Variants in DSCAM observed in about 807,000 individuals in gnomAD.
DSCAM encodes the protein cell adhesion molecule DSCAM.
A neutral mutation model predicts 217.7 loss-of-function variants in DSCAM; 47 were observed. The ratio of observed to expected loss-of-function variants is 0.22; its 90% CI spans 0.17 to 0.28. The LOEUF (loss-of-function observed/expected upper bound fraction) is 0.28. Among genes scored for constraint, DSCAM ranks in the 10% least tolerant of loss-of-function variants. The pLI, the probability that DSCAM is intolerant of heterozygous loss-of-function variation, is 1.00. For missense variants in DSCAM, 2,080 were observed against 2,618.3 expected, an observed-to-expected ratio of 0.79 and a Z score of 4.49; for synonymous variants, 1,056 against 1,015.3, an observed-to-expected ratio of 1.04 and a Z score of -0.76.
chr21:40,763,051 C>G (rs994730497), intron 1 of DSCAM, among the ~76,000 whole-genome samples: 6 of 152,168 alleles, frequency 3.9e-5, no homozygotes, highest in African/African-American at 1.4e-4. Flanking sequence ...GATGCCCTCT[C>G]TCACCACTGC....
At chr21:40,316,854 T>C (rs1310612190) in intron 8 of DSCAM, among the ~76,000 whole-genome samples, 1 of 152,190 alleles carries the variant, frequency 6.6e-6, no homozygotes, top group Non-Finnish European at 1.5e-5. Context: ...TATTTCTGTC[T>C]TGTCTCTTAA....
chr21:40,633,024 T>C (rs1444106555), intron 3 of DSCAM, among the ~76,000 whole-genome samples: 1 of 152,240 alleles, frequency 6.6e-6, no homozygotes, highest in Non-Finnish European at 1.5e-5. Context: ...AGGAACTTAA[T>C]TATCCATTTC....
At chr21:40,040,339 T>A (rs1428580508) in intron 32 of DSCAM, among the ~76,000 whole-genome samples, 1 of 152,190 alleles carries the variant, frequency 6.6e-6, no homozygotes, top group Admixed American at 6.5e-5. Context: ...AAGGTCAAAT[T>A]TTTAAGAAAC....
chr21:40,692,726 T>C, intron 3 of DSCAM, 84 bp downstream of exon 3: 1 of 1,491,926 alleles, frequency 6.7e-7, no homozygotes, highest in South Asian at 1.3e-5. Context: ...GATGAACACA[T>C]AAACGGAGAC....
intron 3 of DSCAM, among the ~76,000 whole-genome samples, chr21:40,518,800 G>A (rs1043784843): frequency 6.6e-6 from 1 of 150,874 alleles, no homozygotes; most frequent in Non-Finnish European, 1.5e-5. Flanking sequence ...TTAACAGTGG[G>A]ATATGTTCTG....
intron 11 of DSCAM, among the ~76,000 whole-genome samples, chr21:40,226,968 A>T (rs425924): frequency 0.97 from 147,892 of 152,270 alleles, 71,886 homozygotes; most frequent in Middle Eastern, 0.99. Flanking sequence ...TTCTCCTCAT[A>T]TAGTTCCCAC....
intron 3 of DSCAM, among the ~76,000 whole-genome samples, chr21:40,389,568 T>C (rs1297308054): frequency 6.6e-6 from 1 of 152,214 alleles, no homozygotes; most frequent in Non-Finnish European, 1.5e-5. Flanking sequence ...ATTTTAACCA[T>C]ATGAACCAAG....
intron 10 of DSCAM, among the ~76,000 whole-genome samples, chr21:40,281,628 A>AT (rs1229720087): frequency 6.6e-6 from 1 of 152,174 alleles, no homozygotes; most frequent in African/African-American, 2.4e-5. Context: ...CTGAGGGTTA[A>AT]TTTTTTCCTC....
chr21:40,116,111 C>G (rs1179243565), intron 20 of DSCAM, among the ~76,000 whole-genome samples: 1 of 152,092 alleles, frequency 6.6e-6, no homozygotes, highest in African/African-American at 2.4e-5. Context: ...TGAGAACATA[C>G]ACACACATAG....
chr21:40,240,453 A>G (rs923407625), intron 11 of DSCAM, among the ~76,000 whole-genome samples: 1 of 144,306 alleles, frequency 6.9e-6, no homozygotes, highest in Non-Finnish European at 1.5e-5. Flanking sequence ...TTTTCTGCAA[A>G]TACATCTTGG....
intron 21 of DSCAM, among the ~76,000 whole-genome samples, chr21:40,089,651 A>G (rs1239353851): frequency 1.3e-5 from 2 of 151,804 alleles, no homozygotes; most frequent in African/African-American, 2.4e-5. Context: ...CTACAGAATA[A>G]CCTGTCTCAA....
chr21:40,085,251 G>A (rs999959884), intron 23 of DSCAM, among the ~76,000 whole-genome samples: 1 of 152,034 alleles, frequency 6.6e-6, no homozygotes, highest in Non-Finnish European at 1.5e-5. Flanking sequence ...CTTGTTTTTT[G>A]TTTGTGTTTT....
Position 40,058,768 on chromosome 21 carries a change from A to G in DSCAM, c.4920-2928T>C, listed in dbSNP as rs55687744. 9.5e-3 allele frequency among the ~76,000 whole-genome samples: 1,443 copies of G among 152,342 alleles called. 23 individuals carry two copies. Among genetic ancestry groups the G allele is most frequent in the African/African-American group, 0.033 (1,374 of 41,574 alleles). On this transcript the variant is annotated intron_variant, in intron 28 of 32. Coordinates refer to ENST00000400454, the MANE Select transcript of DSCAM (RefSeq NM_001389.5). ...TCTGTTAACCTCAAAAATGATAACA[A>G]TTGGTCATTAGAATGGCAGCAAACC...
intron 10 of DSCAM, among the ~76,000 whole-genome samples, chr21:40,295,037 T>C (rs147611454): frequency 1.3e-3 from 203 of 152,306 alleles, no homozygotes; most frequent in African/African-American, 4.5e-3. Flanking sequence ...CATTTATTTT[T>C]CCTTTGGTCA....
chr21:40,486,901 C>T (rs2076033012), intron 3 of DSCAM, among the ~76,000 whole-genome samples: 1 of 152,072 alleles, frequency 6.6e-6, no homozygotes, highest in Admixed American at 6.5e-5. Context: ...CTGCTTGGCT[C>T]CCTAGAGTAC....
At chr21:40,714,558 CTT>C (rs2146494837) in intron 1 of DSCAM, among the ~76,000 whole-genome samples, 1 of 152,318 alleles carries the variant, frequency 6.6e-6, no homozygotes, top group South Asian at 2.1e-4. Context: ...CTTCCTGCCT[CTT>C]TCTCCTTTTT....
intron 20 of DSCAM, among the ~76,000 whole-genome samples, chr21:40,097,956 AAG>A (rs1266532683): frequency 8.8e-5 from 3 of 33,930 alleles, no homozygotes; most frequent in Non-Finnish European, 1.6e-4. Flanking sequence ...AAAAAAAAAA[AAG>A]AAAGAAAGAA....
chr21:40,313,272 C>T (rs1409580934), intron 8 of DSCAM, among the ~76,000 whole-genome samples: 1 of 152,122 alleles, frequency 6.6e-6, no homozygotes, highest in Non-Finnish European at 1.5e-5. Context: ...GCACACTTTA[C>T]GTGTGTAACT....
chr21:40,844,637 T>G (rs2092129700), intron 1 of DSCAM, among the ~76,000 whole-genome samples: 1 of 151,376 alleles, frequency 6.6e-6, no homozygotes, highest in Admixed American at 6.6e-5. Flanking sequence ...GCAGAATATT[T>G]GAGGTTTCAT....
Sources: gnomAD v4.1 joint callset for allele counts (sites outside exome capture counted in the v4.1 genomes callset) on GRCh38, gnomAD v4.1.1 for gene constraint, MANE v1.5 for transcripts, NCBI Gene and HGNC (gene_info 2026-07-23, HGNC 2026-07-21) for gene names.